Variants in ST18 observed in about 807,000 individuals in gnomAD.
The protein encoded by ST18 is suppression of tumorigenicity 18 protein.
In ST18, 50 loss-of-function variants were observed where a neutral mutation model predicts 110.0. The ratio of observed to expected loss-of-function variants is 0.45; its 90% confidence interval spans 0.36 to 0.58. The LOEUF is 0.58. Among genes scored for constraint, ST18 ranks in the 20% least tolerant of loss-of-function variants. The probability of loss-of-function intolerance (pLI) is 0.00; values close to 1 mark genes in which losing one functional copy is unlikely to be tolerated. For synonymous variants in ST18, 461 were observed against 452.4 expected (o/e 1.02, Z -0.24); for missense variants, 1,306 against 1,280.1 (o/e 1.02, Z -0.31).
chr8:52,224,820 G>A (rs116445282), intron 3 of ST18, among the ~76,000 whole-genome samples: 1,771 of 152,166 alleles, frequency 0.012, 38 homozygotes, highest in African/African-American at 0.041. Flanking sequence ...CTTGTTATTC[G>A]TATAGCTTGT....
At chr8:52,263,828 C>T (rs2094780793) in intron 2 of ST18, among the ~76,000 whole-genome samples, 1 of 141,748 alleles carries the variant, frequency 7.1e-6, no homozygotes. Flanking sequence ...CTCACTGCAA[C>T]CTCTGCCTCC....
Position 52,130,102 on chromosome 8 carries a change from G to GA in ST18, c.2666+1855dup, listed in dbSNP as rs1554585321. Among the ~76,000 whole-genome samples the GA allele has an allele frequency of 1.6e-4, 15 of 94,304 alleles. No individual in the cohort carries two copies. In the South Asian group the frequency reaches 3.2e-3, roughly 20 times the overall value. 61.9% of individuals were successfully genotyped at this position (94,304 alleles called of 152,430 possible). A position where few individuals can be genotyped will look rare whatever the true frequency, so the allele number is the denominator to read the frequency against. On this transcript the variant is annotated intron_variant, in intron 22 of 25. Coordinates refer to ENST00000689386, the MANE Select transcript of ST18 (RefSeq NM_001352837.2). Reference sequence around the variant, plus strand: ...AGAGAGAGAAAGAAAGAAAAAGAAAGAAAGAAAGAAAGAAAGAAAAGAAAG... The same window carrying GA: ...AGAGAGAGAAAGAAAGAAAAAGAAAGAAAAGAAAGAAAGAAAGAAAAGAAAG...
chr8:52,370,861 G>T (rs546753032), intron 2 of ST18, among the ~76,000 whole-genome samples: 3 of 152,242 alleles, frequency 2.0e-5, no homozygotes, highest in African/African-American at 4.8e-5. Context: ...ATTAATTTTT[G>T]CATGTGTGTA....
At chr8:52,338,869 C>T (rs1020422283) in intron 2 of ST18, among the ~76,000 whole-genome samples, 3 of 152,072 alleles carry the variant, frequency 2.0e-5, no homozygotes, top group Non-Finnish European at 4.4e-5. Context: ...TCCTGAATAG[C>T]TGAGACTACA....
intron 2 of ST18, among the ~76,000 whole-genome samples, chr8:52,321,116 A>C (rs1208505099): frequency 6.6e-6 from 1 of 152,210 alleles, no homozygotes; most frequent in Non-Finnish European, 1.5e-5. Flanking sequence ...ACACAAAAGC[A>C]GGGCCGTGTA....
chr8:52,270,081 A>C (rs1485905219), intron 2 of ST18, among the ~76,000 whole-genome samples: 1 of 152,216 alleles, frequency 6.6e-6, no homozygotes, highest in African/African-American at 2.4e-5. Flanking sequence ...TCTAGAGAAA[A>C]TTTGGAAAAT....
chr8:52,294,302 G>A (rs545861993), intron 2 of ST18, among the ~76,000 whole-genome samples: 4 of 152,328 alleles, frequency 2.6e-5, no homozygotes, highest in Admixed American at 2.0e-4. Flanking sequence ...AACCAGAAAG[G>A]AACTGAAAAA....
At chr8:52,114,467 G>A (rs2041801567) in intron 25 of ST18, among the ~76,000 whole-genome samples, 1 of 152,160 alleles carries the variant, frequency 6.6e-6, no homozygotes, top group South Asian at 2.1e-4. Context: ...ACTTCGCAAA[G>A]GTGCTTGGAA....
rs952062312 is a variant in ST18 at position 52,116,268 on chromosome 8, A to C, written c.3003+7T>G. 1.6e-5 allele frequency: 25 copies of C among 1,612,578 alleles called. No homozygotes were observed. The highest frequency in any genetic ancestry group is 2.1e-5 in the Non-Finnish European group (25 of 1,179,510). On this transcript the variant is annotated splice_region_variant and intron_variant, in intron 25 of 25. Transcript: ENST00000689386. ...ATGGAATGGCAAGGTTCTGGCCTTG[A>C]ACTTACCATCTGTGGAAGCTGGATG...
chr8:52,161,176 G>A (rs2061357844), intron 14 of ST18, among the ~76,000 whole-genome samples, 199 bp downstream of exon 14: 1 of 152,114 alleles, frequency 6.6e-6, no homozygotes, highest in Non-Finnish European at 1.5e-5. Context: ...TATATTATGT[G>A]TAACTTCAGC....
intron 2 of ST18, among the ~76,000 whole-genome samples, chr8:52,322,510 T>C (rs569889165): frequency 6.6e-6 from 1 of 152,326 alleles, no homozygotes; most frequent in Non-Finnish European, 1.5e-5. Context: ...ACTTGAATTA[T>C]ATAATACAGA....
intron 2 of ST18, among the ~76,000 whole-genome samples, chr8:52,349,802 G>A (rs1331256529): frequency 6.6e-6 from 1 of 152,132 alleles, no homozygotes; most frequent in South Asian, 2.1e-4. Flanking sequence ...AGACTGCAAA[G>A]GTGTGAGCAG....
chr8:52,256,511 A>T (rs1156787028), intron 2 of ST18, among the ~76,000 whole-genome samples: 2 of 152,154 alleles, frequency 1.3e-5, no homozygotes, highest in Admixed American at 1.3e-4. Flanking sequence ...TACAGGTGTG[A>T]GTCAGTGCGC....
chr8:52,393,911 A>C (rs371118714), intron 2 of ST18: 10 of 152,076 alleles, frequency 6.6e-5, no homozygotes, highest in African/African-American at 2.4e-4. Flanking sequence ...AAAGATTATG[A>C]AACCATTAAT....
intron 2 of ST18, among the ~76,000 whole-genome samples, chr8:52,286,799 A>T (rs544623276): frequency 6.6e-6 from 1 of 151,146 alleles, no homozygotes; most frequent in South Asian, 2.1e-4. Context: ...TTCTCAAAGC[A>T]TGGTCTCTGG....
chr8:52,118,711 C>A (rs1432704748), intron 23 of ST18, among the ~76,000 whole-genome samples: 2 of 152,040 alleles, frequency 1.3e-5, no homozygotes, highest in East Asian at 3.9e-4. Context: ...TGTAAATATG[C>A]CTTCAATTAC....
intron 9 of ST18, among the ~76,000 whole-genome samples, chr8:52,179,692 T>C (rs1010358883): frequency 5.3e-5 from 8 of 152,170 alleles, no homozygotes; most frequent in African/African-American, 1.7e-4. Flanking sequence ...TATATACATA[T>C]ATATATCATC....
rs566400875 is a variant in ST18, at chr8:52,389,438, C to T, written c.-465+19890G>A. On this transcript the variant is annotated intron_variant, in intron 2 of 25. Coordinates refer to ENST00000689386, the MANE Select transcript of ST18 (RefSeq NM_001352837.2). Reference sequence around the variant, plus strand: ...ATTAAAAGAGGAAAACCCAGGGACGCCGGAATGCACGACCCCATCGTCTTT... The same window carrying T: ...ATTAAAAGAGGAAAACCCAGGGACGTCGGAATGCACGACCCCATCGTCTTT... Among the ~76,000 whole-genome samples, 10 of 152,252 alleles carry T rather than the reference C, an allele frequency of 6.6e-5. No individual in the cohort carries two copies. In the East Asian group the frequency reaches 1.5e-3, roughly 24 times the overall value.
intron 2 of ST18, among the ~76,000 whole-genome samples, chr8:52,394,288 A>G (rs957274835): frequency 6.6e-6 from 1 of 152,164 alleles, no homozygotes; most frequent in Admixed American, 6.5e-5. Context: ...TGGTCTTGCT[A>G]TAAATTGCCC....
Sources: gnomAD v4.1 joint callset for allele counts (sites outside exome capture counted in the v4.1 genomes callset) on GRCh38, gnomAD v4.1.1 for gene constraint, MANE v1.5 for transcripts, NCBI Gene and HGNC (gene_info 2026-07-23, HGNC 2026-07-21) for gene names.